The following HS6ST3 variants were observed in gnomAD, a reference collection of about 807,000 sequenced individuals.
The protein encoded by HS6ST3 is heparan-sulfate 6-O-sulfotransferase 3.
HS6ST3 carries 12 observed loss-of-function variants against 36.7 expected under a neutral mutation model. The observed-to-expected ratio is 0.33, with a 90% CI of 0.21 to 0.53. The LOEUF (loss-of-function observed/expected upper bound fraction) is 0.53. Ranked by LOEUF, HS6ST3 falls within the 20% of genes least tolerant of loss-of-function variation. The pLI is 0.95. For missense variants in HS6ST3, 584 were observed against 640.9 expected, an observed-to-expected ratio of 0.91 and a Z score of 0.96; for synonymous variants, 240 against 257.5, an observed-to-expected ratio of 0.93 and a Z score of 0.65.
At chr13:96,372,922 G>T (rs535977044) in intron 1 of HS6ST3, among the ~76,000 whole-genome samples, 45 of 152,188 alleles carry the variant, frequency 3.0e-4, no homozygotes, top group African/African-American at 1.1e-3. Flanking sequence ...AGGTCAAAGA[G>T]AAATTTTTTT....
chr13:96,319,541 C>G (rs1594752187), intron 1 of HS6ST3, among the ~76,000 whole-genome samples: 1 of 152,104 alleles, frequency 6.6e-6, no homozygotes, highest in South Asian at 2.1e-4. Flanking sequence ...TAGGGTAACT[C>G]TATATTTAAC....
At chr13:96,449,542 AT>A (rs1166520247) in intron 1 of HS6ST3, among the ~76,000 whole-genome samples, 1 of 152,206 alleles carries the variant, frequency 6.6e-6, no homozygotes, top group African/African-American at 2.4e-5. Flanking sequence ...TACCAAGCAG[AT>A]CTCTTTATAG....
chr13:96,720,658 T>A (rs1183209301), intron 1 of HS6ST3, among the ~76,000 whole-genome samples: 1 of 152,182 alleles, frequency 6.6e-6, no homozygotes, highest in Non-Finnish European at 1.5e-5. Context: ...TTTGCTTTTA[T>A]CCTCATCTCA....
chr13:96,335,843 T>G (rs1298655533), intron 1 of HS6ST3, among the ~76,000 whole-genome samples: 1 of 152,202 alleles, frequency 6.6e-6, no homozygotes, highest in African/African-American at 2.4e-5. Context: ...AAAGACTCCT[T>G]TTGTGAGTGT....
intron 1 of HS6ST3, among the ~76,000 whole-genome samples, chr13:96,443,732 T>G (rs1481136711): frequency 6.6e-6 from 1 of 152,206 alleles, no homozygotes; most frequent in East Asian, 1.9e-4. Flanking sequence ...TGTCTGAACC[T>G]GCATAGTTAC....
chr13:96,128,430 G>T (rs776984987), intron 1 of HS6ST3, among the ~76,000 whole-genome samples: 24 of 152,164 alleles, frequency 1.6e-4, no homozygotes, highest in Non-Finnish European at 2.9e-4. Flanking sequence ...TGGCTTTAAA[G>T]TGCATTCCAA....
chr13:96,099,513 G>A (rs912180726), intron 1 of HS6ST3, among the ~76,000 whole-genome samples: 4 of 152,136 alleles, frequency 2.6e-5, no homozygotes, highest in African/African-American at 9.7e-5. Context: ...CAATAAAAAT[G>A]TTTAAACATA....
chr13:96,313,649 G>A (rs1443957258), intron 1 of HS6ST3, among the ~76,000 whole-genome samples: 1 of 152,064 alleles, frequency 6.6e-6, no homozygotes, highest in African/African-American at 2.4e-5. Context: ...CCCCATGATA[G>A]CCTCAGATAT....
At chr13:96,660,386 T>G (rs2056642217) in intron 1 of HS6ST3, among the ~76,000 whole-genome samples, 1 of 152,164 alleles carries the variant, frequency 6.6e-6, no homozygotes, top group African/African-American at 2.4e-5. Context: ...TTGACAAATG[T>G]AAAATCATAT....
At chr13:96,460,440 C>T (rs1308382786) in intron 1 of HS6ST3, among the ~76,000 whole-genome samples, 1 of 151,992 alleles carries the variant, frequency 6.6e-6, no homozygotes, top group African/African-American at 2.4e-5. Flanking sequence ...TCTCAGAGTT[C>T]GTATATTTTC....
intron 1 of HS6ST3, among the ~76,000 whole-genome samples, chr13:96,272,441 T>G (rs1486401935): frequency 1.3e-5 from 2 of 151,980 alleles, no homozygotes; most frequent in African/African-American, 4.8e-5. Flanking sequence ...AGTATAGGAA[T>G]TCCTCCTCCC....
At chr13:96,558,301 C>T (rs1337526724) in intron 1 of HS6ST3, among the ~76,000 whole-genome samples, 1 of 152,114 alleles carries the variant, frequency 6.6e-6, no homozygotes, top group Non-Finnish European at 1.5e-5. Context: ...TGAGAATGTA[C>T]TGTGTGCCAA....
In HS6ST3 at chr13:96,189,802, A is replaced by G. The variant is rs552010078; in HGVS notation, c.707+98233A>G. ...TCTCATTGCAGTGGGCGTGAACCCA[A>G]GAGACTAAATCAACTACATGATCAG... On this transcript the variant is annotated intron_variant, in intron 1 of 1. Transcript: ENST00000376705. Among the ~76,000 whole-genome samples, 3 of 152,310 alleles carry G rather than the reference A, an allele frequency of 2.0e-5. No homozygotes were observed. In the South Asian group the frequency reaches 6.2e-4, roughly 32 times the overall value.
At chr13:96,769,435 A>G (rs550902924) in intron 1 of HS6ST3, among the ~76,000 whole-genome samples, 1,618 of 122,550 alleles carry the variant, frequency 0.013, 6 homozygotes, top group Non-Finnish European at 0.021. Context: ...TCCCAATGCT[A>G]TCCCTCCCCC....
intron 1 of HS6ST3, among the ~76,000 whole-genome samples, chr13:96,679,538 A>G (rs2056711048): frequency 1.3e-5 from 2 of 152,064 alleles, no homozygotes; most frequent in South Asian, 2.1e-4. Flanking sequence ...ATCCCTCACC[A>G]TCACCCATGC....
intron 1 of HS6ST3, among the ~76,000 whole-genome samples, chr13:96,643,525 A>G (rs923667038): frequency 1.3e-5 from 2 of 151,864 alleles, no homozygotes; most frequent in African/African-American, 4.8e-5. Flanking sequence ...CCACTGCTTC[A>G]GGTAGTAGTT....
intron 1 of HS6ST3, among the ~76,000 whole-genome samples, chr13:96,714,613 C>T (rs1437954191): frequency 6.6e-6 from 1 of 152,144 alleles, no homozygotes; most frequent in East Asian, 1.9e-4. Flanking sequence ...GATGTGCATT[C>T]CCTACTCTCT....
intron 1 of HS6ST3, among the ~76,000 whole-genome samples, chr13:96,747,279 C>T (rs185810251): frequency 1.3e-5 from 2 of 150,964 alleles, no homozygotes; most frequent in Non-Finnish European, 3.0e-5. Flanking sequence ...ACAAATGCAG[C>T]ATAAGGCTGA....
At chr13:96,464,138 C>CAAAA (rs67305199) in intron 1 of HS6ST3, among the ~76,000 whole-genome samples, 834 of 38,748 alleles carry the variant, frequency 0.022, 66 homozygotes, top group African/African-American at 0.062. Flanking sequence ...TGTCAGGCCT[C>CAAAA]AAAAAAAAAA....
Sources: allele counts gnomAD v4.1 joint callset (sites outside exome capture counted in the v4.1 genomes callset), GRCh38; gene constraint gnomAD v4.1.1; transcripts MANE v1.5; gene names NCBI Gene and HGNC (gene_info 2026-07-23, HGNC 2026-07-21).